Variants in SLC2A13 observed in about 807,000 individuals in gnomAD.
SLC2A13 encodes the protein solute carrier family 2 member 13.
Under a neutral mutation model 64.4 loss-of-function variants are expected in SLC2A13, and 32 were observed. The ratio of observed to expected loss-of-function variants is 0.50; its 90% CI spans 0.37 to 0.67. SLC2A13 has a LOEUF of 0.67. SLC2A13 is among the 30% of genes least tolerant of loss of function. The probability of loss-of-function intolerance (pLI) is 0.00; values close to 1 mark genes in which losing one functional copy is unlikely to be tolerated. For missense variants in SLC2A13, 743 were observed against 829.2 expected (o/e 0.90, Z 1.28); for synonymous variants, 338 against 327.1 (o/e 1.03, Z -0.36).
chr12:40,046,753 A>G (rs1221221447), intron 2 of SLC2A13, among the ~76,000 whole-genome samples: 1 of 149,772 alleles, frequency 6.7e-6, no homozygotes, highest in Non-Finnish European at 1.5e-5. Context: ...GTAGGCCCTC[A>G]TTAGCTTCAA....
At chr12:39,849,774 T>C (rs2135891822) in intron 6 of SLC2A13, among the ~76,000 whole-genome samples, 1 of 152,302 alleles carries the variant, frequency 6.6e-6, no homozygotes, top group South Asian at 2.1e-4. Context: ...ATTTGTTGTC[T>C]CTGTCTTTTA....
chr12:40,075,962 G>C (rs1351704523), intron 1 of SLC2A13, among the ~76,000 whole-genome samples: 3 of 152,132 alleles, frequency 2.0e-5, no homozygotes, highest in Admixed American at 6.6e-5. Flanking sequence ...TCCATTCATT[G>C]CAAGTGTTTT....
At position 40,105,852 on chromosome 12, in the gene SLC2A13, G is replaced by A. The variant is rs1205597057; in HGVS notation, c.-44C>T. 1.5e-6 allele frequency: 2 copies of A among 1,350,210 alleles called. No homozygotes were observed. The highest frequency in any genetic ancestry group is 1.9e-6 in the Non-Finnish European group (2 of 1,054,190). The allele number at this position is 1,350,210 out of a possible 1,614,324, so 83.6% of individuals were successfully genotyped here. A position where few individuals can be genotyped will look rare whatever the true frequency, so the allele number is the denominator to read the frequency against. ...TGCCCGGGGGGACGCGGCTCCGCGGGCCGGCAGTCTCGGCGAGCTAGACAG... is the reference window on the plus strand; with the variant it reads ...TGCCCGGGGGGACGCGGCTCCGCGGACCGGCAGTCTCGGCGAGCTAGACAG... On this transcript the variant is annotated 5_prime_UTR_variant, in exon 1 of 10. Transcript: ENST00000280871. This position sits in a 1 kb window ranked among gnomAD's most constrained non-coding sequence, Gnocchi z 4.2.
At chr12:39,790,480 T>C (rs1941357289) in intron 7 of SLC2A13, among the ~76,000 whole-genome samples, 1 of 151,058 alleles carries the variant, frequency 6.6e-6, no homozygotes, top group Non-Finnish European at 1.5e-5. Context: ...TTTGGTTTTT[T>C]GTTCTTGTGA....
At chr12:40,017,063 T>C (rs1947632776) in intron 3 of SLC2A13, among the ~76,000 whole-genome samples, 2 of 152,126 alleles carry the variant, frequency 1.3e-5, no homozygotes, top group South Asian at 4.1e-4. Flanking sequence ...TCATGATGAC[T>C]AAGTAGGACA....
chr12:39,832,910 C>T (rs907086733), intron 6 of SLC2A13, among the ~76,000 whole-genome samples: 2 of 152,096 alleles, frequency 1.3e-5, no homozygotes, highest in Non-Finnish European at 2.9e-5. Context: ...CACTATAGAG[C>T]AGATGAGTAG....
chr12:39,923,617 C>G (rs1264509761), intron 4 of SLC2A13, among the ~76,000 whole-genome samples: 1 of 151,450 alleles, frequency 6.6e-6, no homozygotes, highest in East Asian at 1.9e-4. Context: ...CTGAATGACA[C>G]TGAATTGTAC....
intron 7 of SLC2A13, among the ~76,000 whole-genome samples, chr12:39,801,477 C>T (rs1250707394): frequency 2.6e-5 from 4 of 152,058 alleles, no homozygotes; most frequent in Non-Finnish European, 5.9e-5. Flanking sequence ...GGGCTGACCT[C>T]ATGACATAGT....
chr12:39,869,250 C>T (rs1943982045), intron 5 of SLC2A13, among the ~76,000 whole-genome samples: 1 of 152,206 alleles, frequency 6.6e-6, no homozygotes, highest in South Asian at 2.1e-4. Flanking sequence ...AATGTGTTAA[C>T]AAGGTTGTTG....
At chr12:39,985,943 T>C (rs527738598) in intron 3 of SLC2A13, among the ~76,000 whole-genome samples, 64 of 152,260 alleles carry the variant, frequency 4.2e-4, no homozygotes, top group Middle Eastern at 3.4e-3. Context: ...AATAAATGTT[T>C]ATTTCTCACC....
At chr12:39,892,814 G>A (rs1162146540) in intron 4 of SLC2A13, among the ~76,000 whole-genome samples, 1 of 151,956 alleles carries the variant, frequency 6.6e-6, no homozygotes, top group African/African-American at 2.4e-5. Flanking sequence ...ATTGACAGAA[G>A]ATGAAAAGTA....
intron 3 of SLC2A13, among the ~76,000 whole-genome samples, chr12:39,990,334 A>G (rs1007770305): frequency 3.3e-5 from 5 of 152,350 alleles, no homozygotes; most frequent in South Asian, 2.1e-4. Context: ...TAAATGCTCA[A>G]TGATTGAATG....
chr12:40,067,919 T>C (rs1002255522), intron 1 of SLC2A13, among the ~76,000 whole-genome samples: 2 of 152,156 alleles, frequency 1.3e-5, no homozygotes, highest in South Asian at 4.1e-4. Flanking sequence ...TTTTTTCTTG[T>C]TGAAGAAAGG....
intron 3 of SLC2A13, among the ~76,000 whole-genome samples, chr12:39,974,279 C>T (rs989451664): frequency 9.2e-5 from 14 of 152,212 alleles, no homozygotes; most frequent in African/African-American, 3.4e-4. Flanking sequence ...TTCCTCTTGA[C>T]CAGTGTATTC....
chr12:40,018,757 A>G (rs1409008440), intron 3 of SLC2A13, among the ~76,000 whole-genome samples: 3 of 152,144 alleles, frequency 2.0e-5, no homozygotes, highest in African/African-American at 7.2e-5. Flanking sequence ...TGGGGTAAAC[A>G]GGGAAGGTCA....
At chr12:40,067,162 T>A (rs1049769600) in intron 1 of SLC2A13, among the ~76,000 whole-genome samples, 2 of 152,148 alleles carry the variant, frequency 1.3e-5, no homozygotes, top group Non-Finnish European at 2.9e-5. Flanking sequence ...ATGTACAGGA[T>A]GCATGAGGAA....
intron 7 of SLC2A13, among the ~76,000 whole-genome samples, chr12:39,782,364 A>C (rs559460715): frequency 1.5e-4 from 23 of 152,130 alleles, no homozygotes; most frequent in African/African-American, 4.6e-4. Flanking sequence ...TTTCTATGCT[A>C]TTCTTGTAAT....
chr12:40,061,311 T>C (rs770262919), intron 1 of SLC2A13, among the ~76,000 whole-genome samples: 9 of 152,084 alleles, frequency 5.9e-5, no homozygotes, highest in Non-Finnish European at 1.3e-4. Flanking sequence ...TACTTTAGTC[T>C]TGTGCAGGAA....
chr12:39,849,109 A>G (rs113294610), intron 6 of SLC2A13, among the ~76,000 whole-genome samples: 7,352 of 152,208 alleles, frequency 0.048, 291 homozygotes, highest in African/African-American at 0.11. Flanking sequence ...TAATATGTAC[A>G]ACAAGCCCCT....
Sources: allele counts gnomAD v4.1 joint callset (sites outside exome capture counted in the v4.1 genomes callset), GRCh38; gene constraint gnomAD v4.1.1; non-coding constraint Gnocchi (gnomAD v3.1); transcripts MANE v1.5; gene names NCBI Gene and HGNC (gene_info 2026-07-23, HGNC 2026-07-21).